PRSS23: variants seen among roughly 807,000 people sequenced by gnomAD.
PRSS23 encodes protease, serine 23.
A neutral mutation model predicts 34.7 loss-of-function variants in PRSS23; 25 were observed. That is an observed-to-expected ratio of 0.72 (90% CI 0.53 to 1.01). PRSS23 has a LOEUF of 1.01. Ranked by LOEUF, PRSS23 falls within the 50% of genes least tolerant of loss-of-function variation. The pLI, the probability that PRSS23 is intolerant of heterozygous loss-of-function variation, is 0.00. For missense variants in PRSS23, 445 were observed against 475.6 expected (o/e 0.94, Z 0.60); for synonymous variants, 176 against 186.6 (o/e 0.94, Z 0.46).
intron 2 of PRSS23, among the ~76,000 whole-genome samples, chr11:86,877,364 C>T (rs749935890): frequency 2.6e-5 from 4 of 152,210 alleles, no homozygotes; most frequent in African/African-American, 4.8e-5. Context: ...TCTTCTTACA[C>T]GGTTCCCGTT....
chr11:86,859,543 G>T (rs867687846), intron 2 of PRSS23, among the ~76,000 whole-genome samples: 59 of 152,064 alleles, frequency 3.9e-4, no homozygotes, highest in African/African-American at 1.3e-3. Flanking sequence ...CGCAGCAGGT[G>T]TACAAACCCC....
chr11:86,900,781 C>CTCTCTCT (rs775258446), intron 2 of PRSS23, among the ~76,000 whole-genome samples: 112 of 94,030 alleles, frequency 1.2e-3, no homozygotes, highest in African/African-American at 1.8e-3. Context: ...ATCTCTCTCT[C>CTCTCTCT]TTTTTTTTTT....
chr11:86,880,716 A>G (rs1469002441), intron 2 of PRSS23, among the ~76,000 whole-genome samples: 4 of 151,578 alleles, frequency 2.6e-5, no homozygotes, highest in Non-Finnish European at 2.9e-5. Context: ...TCATTGTTCA[A>G]CTCCCACTTA....
At chr11:86,952,640 T>C in exon 3 of PRSS23, 1 of 646,590 alleles carries the variant, frequency 1.5e-6, no homozygotes, top group African/African-American at 1.8e-5. Flanking sequence ...GGGCGCCTGA[T>C]AATCCATCAC....
chr11:86,801,464 C>A (rs1395973515), intron 1 of PRSS23, among the ~76,000 whole-genome samples: 1 of 152,138 alleles, frequency 6.6e-6, no homozygotes, highest in Non-Finnish European at 1.5e-5. Context: ...TGGGTGACAC[C>A]AGTAAGAATT....
At chr11:86,914,061 A>AAAC (rs60086815) in intron 2 of PRSS23, among the ~76,000 whole-genome samples, 5 of 149,698 alleles carry the variant, frequency 3.3e-5, no homozygotes, top group African/African-American at 9.9e-5. Context: ...AAAAAAAAAA[A>AAAC]CCTCAAAGAT....
chr11:86,808,399 C>G lies in PRSS23; in HGVS notation c.756C>G (p.Leu252=), dbSNP rs1405625373. The G allele has an allele frequency of 6.2e-7, 1 of 1,614,070 alleles. No homozygotes were observed. Among genetic ancestry groups the G allele is most frequent in the Non-Finnish European group, 8.5e-7 (1 of 1,180,054 alleles). Reference sequence around the variant, plus strand: ...ATTATGATTATGCCCTCCTGGAACTCAAAAAGCCCCACAAGAGAAAATTTA... The same window carrying G: ...ATTATGATTATGCCCTCCTGGAACTGAAAAAGCCCCACAAGAGAAAATTTA... ...GMDYDYALLE[L]KKPHKRKFMK... is the part of the protein sequence containing the mutation. The change falls in exon 2 of 2, where the codon CTC becomes CTG. Residue 252 remains leucine (L), a synonymous_variant. Transcript: ENST00000280258.
At chr11:86,883,977 A>G (rs569317332) in intron 2 of PRSS23, among the ~76,000 whole-genome samples, 13 of 152,162 alleles carry the variant, frequency 8.5e-5, no homozygotes, top group Admixed American at 5.9e-4. Flanking sequence ...TTTTCATCCT[A>G]TCTTCCTTAG....
intron 2 of PRSS23, among the ~76,000 whole-genome samples, chr11:86,882,459 T>C (rs1182763598): frequency 1.3e-5 from 2 of 152,186 alleles, no homozygotes; most frequent in Non-Finnish European, 2.9e-5. Flanking sequence ...ACATGTGGTA[T>C]TTGGTTTTCT....
chr11:86,821,713 G>T, intron 1 of PRSS23: 1 of 1,442,270 alleles, frequency 6.9e-7, no homozygotes, highest in Non-Finnish European at 9.6e-7. Flanking sequence ...CTGTTGAACA[G>T]CTAGTGTACT....
intron 2 of PRSS23, among the ~76,000 whole-genome samples, chr11:86,916,542 T>C (rs1379763944): frequency 1.3e-5 from 2 of 152,176 alleles, no homozygotes; most frequent in African/African-American, 4.8e-5. Context: ...ACAGGAAGTG[T>C]GTGTCACCAG....
At chr11:86,878,688 G>A (rs1026605030) in intron 2 of PRSS23, among the ~76,000 whole-genome samples, 1 of 151,932 alleles carries the variant, frequency 6.6e-6, no homozygotes, top group Non-Finnish European at 1.5e-5. Context: ...CTGCCACCCC[G>A]TCTGGGAAGT....
intron 2 of PRSS23, among the ~76,000 whole-genome samples, chr11:86,875,410 A>G (rs1352803533): frequency 1.3e-5 from 2 of 152,178 alleles, no homozygotes; most frequent in African/African-American, 4.8e-5. Context: ...AAAGTGCCAC[A>G]TTAGTTAGTT....
chr11:86,860,424 A>G (rs1009691211), intron 2 of PRSS23, among the ~76,000 whole-genome samples: 1 of 151,250 alleles, frequency 6.6e-6, no homozygotes, highest in Admixed American at 6.6e-5. Context: ...TTACTCCCAA[A>G]GTAGCAGAGG....
chr11:86,852,949 G>T (rs943559087), intron 2 of PRSS23, among the ~76,000 whole-genome samples: 2 of 152,148 alleles, frequency 1.3e-5, no homozygotes, highest in African/African-American at 4.8e-5. Flanking sequence ...CACATCGTGG[G>T]TTCAAGCGAT....
chr11:86,843,089 C>T (rs962514306), intron 2 of PRSS23, among the ~76,000 whole-genome samples: 8 of 152,104 alleles, frequency 5.3e-5, no homozygotes, highest in African/African-American at 1.7e-4. Flanking sequence ...ACCAATGGAA[C>T]AGAACAGAGG....
rs1252487578 is a variant in PRSS23, at chr11:86,800,547, C to G, written c.-118C>G. 8 of 984,704 alleles carry G rather than the reference C, an allele frequency of 8.1e-6. No homozygotes were observed. Among genetic ancestry groups the G allele is most frequent in the Admixed American group, 6.2e-5 (1 of 16,212 alleles). 61.0% of individuals were successfully genotyped at this position (984,704 alleles called of 1,614,324 possible). A position where few individuals can be genotyped will look rare whatever the true frequency, so the allele number is the denominator to read the frequency against. On this transcript the variant is annotated 5_prime_UTR_variant, in exon 1 of 2. Transcript: ENST00000280258. ...CGCTGCTCGCCAGCTTGCTCGCACT[C>G]GGCTGTGCGGCGGGGCAGGCATGGG...
intron 1 of PRSS23, among the ~76,000 whole-genome samples, chr11:86,816,261 G>A (rs1309215570): frequency 2.0e-5 from 3 of 152,080 alleles, no homozygotes; most frequent in Non-Finnish European, 2.9e-5. Flanking sequence ...AGCCCACCTC[G>A]GTGCCAGTCA....
At chr11:86,862,952 T>C (rs1417089969) in intron 2 of PRSS23, among the ~76,000 whole-genome samples, 1 of 152,162 alleles carries the variant, frequency 6.6e-6, no homozygotes, top group Non-Finnish European at 1.5e-5. Flanking sequence ...TCTAGGGAGA[T>C]GCTACTCCTA....
Sources: allele counts gnomAD v4.1 joint callset (sites outside exome capture counted in the v4.1 genomes callset), GRCh38; gene constraint gnomAD v4.1.1; transcripts MANE v1.5; gene names NCBI Gene and HGNC (gene_info 2026-07-23, HGNC 2026-07-21).